The following LYPLA1 variants were observed in gnomAD, a reference collection of about 807,000 sequenced individuals.
LYPLA1 encodes the protein acyl-protein thioesterase 1.
Under a neutral mutation model 34.0 loss-of-function variants are expected in LYPLA1, and 17 were observed. That is an observed-to-expected ratio of 0.50 (90% CI 0.34 to 0.75). LYPLA1 has a LOEUF of 0.75. Among genes scored for constraint, LYPLA1 ranks in the 30% least tolerant of loss-of-function variants. The pLI, the probability that LYPLA1 is intolerant of heterozygous loss-of-function variation, is 0.01. For missense variants in LYPLA1, 203 were observed against 288.8 expected (o/e 0.70, Z 2.15); for synonymous variants, 98 against 100.8 (o/e 0.97, Z 0.17).
intron 2 of LYPLA1, among the ~76,000 whole-genome samples, chr8:54,080,333 G>A (rs1260308056): frequency 6.6e-6 from 1 of 152,086 alleles, no homozygotes; most frequent in Non-Finnish European, 1.5e-5. Context: ...CTCCAGCCTG[G>A]GCAACAAAGC....
chr8:54,080,566 T>TA (rs1445322069), intron 2 of LYPLA1, among the ~76,000 whole-genome samples: 2 of 152,156 alleles, frequency 1.3e-5, no homozygotes, highest in Non-Finnish European at 2.9e-5. Context: ...AGAAACAGAA[T>TA]AAAAAATGTA....
intron 2 of LYPLA1, among the ~76,000 whole-genome samples, chr8:54,085,674 C>A (rs1373539840): frequency 1.3e-5 from 2 of 151,264 alleles, no homozygotes; most frequent in Non-Finnish European, 2.9e-5. Flanking sequence ...GCCGTCACCC[C>A]GTCCGGGAGG....
chr8:54,079,199 T>C (rs1383345135), intron 2 of LYPLA1, among the ~76,000 whole-genome samples: 2 of 152,032 alleles, frequency 1.3e-5, no homozygotes, highest in African/African-American at 4.8e-5. Context: ...AGGCTGGTCT[T>C]GAACTCCTGA....
intron 2 of LYPLA1, among the ~76,000 whole-genome samples, chr8:54,089,767 G>A (rs941786765): frequency 6.6e-6 from 1 of 152,028 alleles, no homozygotes. Flanking sequence ...GGGATTACAG[G>A]CACACTCTAC....
chr8:54,062,614 C>T (rs890633700), intron 4 of LYPLA1, among the ~76,000 whole-genome samples: 3 of 152,104 alleles, frequency 2.0e-5, no homozygotes, highest in Admixed American at 1.3e-4. Context: ...CAGGTTCAAG[C>T]AATTCTCCTG....
intron 8 of LYPLA1, 83 bp downstream of exon 8, chr8:54,050,929 A>G: frequency 7.3e-7 from 1 of 1,366,858 alleles, no homozygotes; most frequent in Non-Finnish European, 1.0e-6. Context: ...TAAATCCCCA[A>G]GCATTCAAAT....
intron 2 of LYPLA1, among the ~76,000 whole-genome samples, chr8:54,085,125 C>G (rs149716332): frequency 6.6e-6 from 1 of 152,228 alleles, no homozygotes; most frequent in Non-Finnish European, 1.5e-5. Flanking sequence ...CTCAGCCTGC[C>G]GAAGGCGCGC....
intron 2 of LYPLA1, among the ~76,000 whole-genome samples, chr8:54,069,997 T>C (rs1286294674): frequency 2.0e-5 from 3 of 152,158 alleles, no homozygotes; most frequent in African/African-American, 7.2e-5. Context: ...AATAGCCAAG[T>C]GTTAAAGGGT....
At chr8:54,078,819 T>C (rs1398303446) in intron 2 of LYPLA1, among the ~76,000 whole-genome samples, 1 of 152,082 alleles carries the variant, frequency 6.6e-6, no homozygotes, top group Non-Finnish European at 1.5e-5. Context: ...ATGTAAGTTA[T>C]GAGCTATATC....
chr8:54,076,063 G>A (rs1807878364), intron 2 of LYPLA1, among the ~76,000 whole-genome samples: 2 of 152,148 alleles, frequency 1.3e-5, no homozygotes, highest in Admixed American at 1.3e-4. Flanking sequence ...CCTATTATCT[G>A]GAACCACAGC....
chr8:54,100,763 A>C lies in LYPLA1; in HGVS notation c.101+145T>G. 4.5e-6 allele frequency: 3 copies of C among 668,854 alleles called. No homozygotes were observed. The South Asian group carries it at 5.3e-5, about 12-fold the overall frequency. The allele number at this position is 668,854 out of a possible 1,614,324, so 41.4% of individuals were successfully genotyped here. ...GGAAAATTCTGAGGGTTTTCAAAAC[A>C]TAAAATCACCGCACTGTAAGATACA... On this transcript the variant is annotated intron_variant, in intron 2 of 8. Coordinates refer to ENST00000316963, the MANE Select transcript of LYPLA1 (RefSeq NM_006330.4).
chr8:54,068,443 A>T (rs1807239696), intron 2 of LYPLA1, among the ~76,000 whole-genome samples: 2 of 152,184 alleles, frequency 1.3e-5, no homozygotes, highest in African/African-American at 4.8e-5. Context: ...AAATTAGAGG[A>T]CTCACACTTC....
At chr8:54,074,580 G>A (rs554916259) in intron 2 of LYPLA1, among the ~76,000 whole-genome samples, 1 of 152,204 alleles carries the variant, frequency 6.6e-6, no homozygotes. Context: ...AGTTGCTAAT[G>A]CAATTATTTA....
At chr8:54,065,273 C>T (rs559050264) in intron 3 of LYPLA1, among the ~76,000 whole-genome samples, 1 of 152,138 alleles carries the variant, frequency 6.6e-6, no homozygotes, top group South Asian at 2.1e-4. Flanking sequence ...GCCTGGCCAA[C>T]ATGGTGAAAC....
chr8:54,084,124 G>GGAAAAAAAA (rs1554547911), intron 2 of LYPLA1, among the ~76,000 whole-genome samples: 12 of 56,342 alleles, frequency 2.1e-4, no homozygotes, highest in African/African-American at 9.8e-4. Flanking sequence ...GGAGACCAAA[G>GGAAAAAAAA]AAAAAAAAAA....
chr8:54,055,215 A>G, intron 5 of LYPLA1, 82 bp from the exon 6 acceptor site: 1 of 754,404 alleles, frequency 1.3e-6, no homozygotes, highest in Middle Eastern at 2.3e-4. Context: ...AAAATTAGTA[A>G]TAGAAAAGCG....
intron 5 of LYPLA1, among the ~76,000 whole-genome samples, chr8:54,056,657 G>A (rs1563572043): frequency 1.3e-5 from 2 of 152,158 alleles, no homozygotes; most frequent in African/African-American, 2.4e-5. Flanking sequence ...GCTCATGCCT[G>A]CAATCCCAGC....
At chr8:54,092,590 G>A (rs867548747) in intron 2 of LYPLA1, among the ~76,000 whole-genome samples, 1 of 152,120 alleles carries the variant, frequency 6.6e-6, no homozygotes, top group Non-Finnish European at 1.5e-5. Context: ...GTCTATACAG[G>A]TTATAAAACT....
chr8:54,051,312 A>C, intron 7 of LYPLA1, 124 bp from the exon 8 acceptor site: 1 of 811,934 alleles, frequency 1.2e-6, no homozygotes, highest in Non-Finnish European at 1.9e-6. Flanking sequence ...TTGGCCAAAA[A>C]AATAAAATTC....
Sources: allele counts gnomAD v4.1 joint callset (sites outside exome capture counted in the v4.1 genomes callset), GRCh38; gene constraint gnomAD v4.1.1; transcripts MANE v1.5; gene names NCBI Gene and HGNC (gene_info 2026-07-23, HGNC 2026-07-21).